The following LRTM1 variants were observed in gnomAD, a reference collection of about 807,000 sequenced individuals.
LRTM1 encodes the protein leucine rich repeat transmembrane protein 1.
A neutral mutation model predicts 32.4 loss-of-function variants in LRTM1; 38 were observed. That is an observed-to-expected ratio of 1.17 (90% CI 0.91 to 1.54). The LOEUF (loss-of-function observed/expected upper bound fraction) is 1.54. LRTM1 is among the 40% of genes most tolerant of loss of function. The pLI, the probability that LRTM1 is intolerant of heterozygous loss-of-function variation, is 0.00. For missense variants in LRTM1, 466 were observed against 415.4 expected, an observed-to-expected ratio of 1.12 and a Z score of -1.06; for synonymous variants, 186 against 169.9, an observed-to-expected ratio of 1.09 and a Z score of -0.74.
intron 2 of LRTM1, among the ~76,000 whole-genome samples, chr3:54,923,950 G>A (rs1441481267): frequency 6.6e-6 from 1 of 152,234 alleles, no homozygotes; most frequent in Non-Finnish European, 1.5e-5. Context: ...GGGCATGGCT[G>A]TGTTCCAATA....
At position 54,925,032 on chromosome 3, in the gene LRTM1, T is replaced by C. The variant is rs1376814054; in HGVS notation, c.191A>G (p.His64Arg). ...TLHLQDNQIH[H>R]LPAFAFRSVP... is the part of the protein sequence containing the mutation. The stretch of plus-strand genomic sequence containing the variant: ...TGACCTAAATGCAAAAGCAGGAAGA[T>C]GGTGTATCTGATTATCTTGTAAATG... The change falls in exon 2 of 3, where the codon CAT becomes CGT. Residue 64 changes from histidine (H) to arginine (R), a missense_variant. His to Arg is a conservative substitution (Grantham distance 29). Transcript: ENST00000273286. 2.5e-6 allele frequency: 4 copies of C among 1,613,296 alleles called. No individual in the cohort carries two copies. The East Asian group carries it at 9.0e-5, about 36-fold the overall frequency.
intron 2 of LRTM1, among the ~76,000 whole-genome samples, chr3:54,919,856 A>G (rs1700784681): frequency 6.6e-6 from 1 of 152,220 alleles, no homozygotes; most frequent in Admixed American, 6.5e-5. Flanking sequence ...GGATGAAACA[A>G]CATCCAAACC....
intron 1 of LRTM1, among the ~76,000 whole-genome samples, chr3:54,953,392 T>C (rs1231194075): frequency 6.6e-6 from 1 of 152,164 alleles, no homozygotes; most frequent in Non-Finnish European, 1.5e-5. Flanking sequence ...CCGGTAACAC[T>C]ACGGCTTCTT....
chr3:54,924,812 A>G lies in LRTM1; in HGVS notation c.411T>C (p.Leu137=), dbSNP rs763174320. Residue 137 remains leucine (L), a synonymous_variant, in exon 2 of 3, where the codon CTT becomes CTC. Coordinates refer to ENST00000273286, the MANE Select transcript of LRTM1 (RefSeq NM_020678.4). ...CCCAAGTCTCTCCCAAGGATGTGGG[A>G]AGGTGGCTTATGTTGTTTGATGACA... ...LDLSSNNISH[L]PTSLGETWEN... 1.9e-6 allele frequency: 3 copies of G among 1,614,000 alleles called. No homozygotes were observed. The highest frequency in any genetic ancestry group is 2.5e-6 in the Non-Finnish European group (3 of 1,179,984).
intron 1 of LRTM1, among the ~76,000 whole-genome samples, chr3:54,955,036 G>A (rs1701848162): frequency 6.6e-6 from 1 of 152,146 alleles, no homozygotes; most frequent in African/African-American, 2.4e-5. Context: ...ACCCTCTGAA[G>A]GTTTGCTGAA....
rs138987647 is a variant in LRTM1 at position 54,918,711 on chromosome 3, G to C, written c.786C>G (p.Asn262Lys). 1.2e-6 allele frequency: 2 copies of C among 1,614,126 alleles called. No homozygotes were observed. Among genetic ancestry groups the C allele is most frequent in the Admixed American group, 1.7e-5 (1 of 60,014 alleles). Residue 262 changes from asparagine (N) to lysine (K), a missense_variant, in exon 3 of 3, where the codon AAC becomes AAG. Physicochemically the swap from Asn to Lys is moderately conservative, Grantham distance 94. Transcript: ENST00000273286. ...ACTCCAAGAGTTCTCGCTCCCCCGC[G>C]TTGTGGTTCTCAGGAGGCCTCAGGA... Reference protein sequence around the residue: ...GVVLRPPENHNAGERELLECE... With the variant: ...GVVLRPPENHKAGERELLECE...
chr3:54,928,354 G>A (rs183484689), upstream of LRTM1, among the ~76,000 whole-genome samples: 36 of 152,196 alleles, frequency 2.4e-4, no homozygotes, highest in Admixed American at 1.7e-3. Context: ...TTCTTAATCC[G>A]GCTGTGGCTT....
chr3:54,943,050 A>C (rs913936996), intron 1 of LRTM1, among the ~76,000 whole-genome samples: 5 of 151,954 alleles, frequency 3.3e-5, no homozygotes, highest in Middle Eastern at 3.4e-3. Context: ...TAAAAACTCA[A>C]AATTAACCAT....
upstream of LRTM1, among the ~76,000 whole-genome samples, chr3:54,930,403 C>A (rs1701154925): frequency 1.3e-5 from 2 of 152,172 alleles, no homozygotes; most frequent in Non-Finnish European, 1.5e-5. Flanking sequence ...ACTCTACTTA[C>A]CAGCTTTAAG....
chr3:54,924,480 C>T (rs148595393), intron 2 of LRTM1, 139 bp downstream of exon 2: 14 of 679,142 alleles, frequency 2.1e-5, no homozygotes, highest in African/African-American at 1.4e-4. Context: ...TTTGCCATAC[C>T]GTGAAATGGC....
At chr3:54,944,839 G>GTGTT (rs1271397380) in intron 1 of LRTM1, among the ~76,000 whole-genome samples, 8 of 151,950 alleles carry the variant, frequency 5.3e-5, no homozygotes, top group African/African-American at 1.9e-4. Context: ...GTGTGTGTGT[G>GTGTT]TGTTTGCTGT....
upstream of LRTM1, among the ~76,000 whole-genome samples, chr3:54,932,858 G>A (rs139265921): frequency 6.6e-5 from 10 of 152,294 alleles, no homozygotes; most frequent in East Asian, 1.5e-3. Flanking sequence ...AGGAATAGTG[G>A]GGAGTAGGCC....
At chr3:54,942,605 G>T (rs1701500126) in intron 1 of LRTM1, among the ~76,000 whole-genome samples, 1 of 152,128 alleles carries the variant, frequency 6.6e-6, no homozygotes, top group African/African-American at 2.4e-5. Flanking sequence ...AAAAGAAGCA[G>T]GAGCCAGGCA....
upstream of LRTM1, among the ~76,000 whole-genome samples, chr3:54,930,491 C>T (rs1003864782): frequency 6.6e-6 from 1 of 152,180 alleles, no homozygotes; most frequent in African/African-American, 2.4e-5. Flanking sequence ...TAAGGCCCAG[C>T]TGGGATCCAG....
chr3:54,934,726 T>C (rs1701286690), intron 1 of LRTM1, among the ~76,000 whole-genome samples: 2 of 152,282 alleles, frequency 1.3e-5, no homozygotes. Flanking sequence ...TGTTTTGTTT[T>C]GTTTTTTTGT....
At chr3:54,945,027 A>G (rs1701578016) in intron 1 of LRTM1, among the ~76,000 whole-genome samples, 2 of 152,164 alleles carry the variant, frequency 1.3e-5, no homozygotes, top group Non-Finnish European at 2.9e-5. Context: ...ACTTAGCCAA[A>G]CTGGAGAATG....
At chr3:54,956,006 A>AG (rs753189872) in intron 1 of LRTM1, among the ~76,000 whole-genome samples, 2 of 152,184 alleles carry the variant, frequency 1.3e-5, no homozygotes, top group South Asian at 2.1e-4. Flanking sequence ...AGGAAATGAG[A>AG]GGGAAAAAAG....
chr3:54,948,171 C>T (rs1031613243), intron 1 of LRTM1, among the ~76,000 whole-genome samples: 2 of 152,182 alleles, frequency 1.3e-5, no homozygotes, highest in African/African-American at 4.8e-5. Context: ...ACCCCCAGCT[C>T]ACTTTCCCCT....
chr3:54,943,993 G>A (rs1850141), intron 1 of LRTM1, among the ~76,000 whole-genome samples: 100,674 of 152,110 alleles, frequency 0.66, 34,002 homozygotes, highest in African/African-American at 0.78. Context: ...CCATGCCTTC[G>A]TTTCCTAACC....
Sources: gnomAD v4.1 joint callset for allele counts (sites outside exome capture counted in the v4.1 genomes callset) on GRCh38, gnomAD v4.1.1 for gene constraint, MANE v1.5 for transcripts, NCBI Gene and HGNC (gene_info 2026-07-23, HGNC 2026-07-21) for gene names.